Variants in DNAH5 observed in about 807,000 individuals in gnomAD.
DNAH5 encodes dynein axonemal heavy chain 5.
DNAH5 carries 372 observed loss-of-function variants against 518.2 expected under a neutral mutation model. The ratio of observed to expected loss-of-function variants is 0.72; its 90% CI spans 0.66 to 0.78. DNAH5 has a LOEUF of 0.78. Among genes scored for constraint, DNAH5 ranks in the 30% least tolerant of loss-of-function variants. DNAH5 has a pLI of 0.00. For synonymous variants in DNAH5, 2,039 were observed against 2,025.9 expected, an observed-to-expected ratio of 1.01 and a Z score of -0.17; for missense variants, 5,523 against 5,687.0, an observed-to-expected ratio of 0.97 and a Z score of 0.93.
intron 53 of DNAH5, among the ~76,000 whole-genome samples, 188 bp downstream of exon 53, chr5:13,780,641 C>A (rs1754959335): frequency 6.6e-6 from 1 of 152,040 alleles, no homozygotes; most frequent in African/African-American, 2.4e-5. Context: ...ATTTCAAAAG[C>A]AAATTATGAC....
At chr5:13,728,044 T>C (rs923838793) in intron 69 of DNAH5, among the ~76,000 whole-genome samples, 9 of 152,336 alleles carry the variant, frequency 5.9e-5, no homozygotes, top group African/African-American at 2.2e-4. Flanking sequence ...TTCACTTATG[T>C]TTCCTCATTT....
chr5:13,753,079 T>G (rs1413715099), intron 63 of DNAH5, among the ~76,000 whole-genome samples, 154 bp downstream of exon 63: 1 of 152,176 alleles, frequency 6.6e-6, no homozygotes, highest in African/African-American at 2.4e-5. Flanking sequence ...AGAAAATATT[T>G]TTATATTAGA....
At chr5:13,768,851 G>C in intron 58 of DNAH5, 109 bp downstream of exon 58, 1 of 1,245,974 alleles carries the variant, frequency 8.0e-7, no homozygotes, top group Non-Finnish European at 1.2e-6. Flanking sequence ...CAAGTGGATA[G>C]AGCTTTCATC....
chr5:13,761,059 T>C (rs1751703051), intron 60 of DNAH5, among the ~76,000 whole-genome samples: 2 of 152,048 alleles, frequency 1.3e-5, no homozygotes, highest in South Asian at 4.2e-4. Context: ...GTTGTAGGAG[T>C]AAATAAAAAG....
At chr5:13,849,504 T>C (rs963024874) in intron 31 of DNAH5, among the ~76,000 whole-genome samples, 4 of 152,214 alleles carry the variant, frequency 2.6e-5, no homozygotes, top group Non-Finnish European at 4.4e-5. Context: ...CAAAACGTAA[T>C]GTCTCCCCAG....
intron 49 of DNAH5, 67 bp downstream of exon 49, chr5:13,793,447 AT>A: frequency 7.2e-7 from 1 of 1,395,206 alleles, no homozygotes; most frequent in Non-Finnish European, 1.0e-6. Context: ...TTGGGTGAAG[AT>A]TTTCAAAAAG....
intron 65 of DNAH5, among the ~76,000 whole-genome samples, chr5:13,742,327 C>A (rs898508647): frequency 6.6e-6 from 1 of 151,910 alleles, no homozygotes. Flanking sequence ...ACCACATAAC[C>A]ACTGCCCTAC....
intron 78 of DNAH5, among the ~76,000 whole-genome samples, chr5:13,695,719 C>G (rs1741280773): frequency 6.6e-6 from 1 of 152,094 alleles, no homozygotes; most frequent in African/African-American, 2.4e-5. Context: ...TAAGTTAACA[C>G]ATGTATGTGC....
intron 1 of DNAH5, among the ~76,000 whole-genome samples, chr5:13,990,268 G>A (rs1358170047): frequency 2.0e-5 from 3 of 151,752 alleles, no homozygotes; most frequent in South Asian, 2.1e-4. Flanking sequence ...ATTGGGGCCC[G>A]GCGGCCAGGC....
At chr5:13,859,025 C>T (rs1370972215) in intron 30 of DNAH5, among the ~76,000 whole-genome samples, 1 of 152,136 alleles carries the variant, frequency 6.6e-6, no homozygotes, top group East Asian at 1.9e-4. Context: ...TTCCACCCCT[C>T]AATTTTACTG....
Position 13,751,140 on chromosome 5 carries a change from T to C in DNAH5, c.11149A>G (p.Thr3717Ala), listed in dbSNP as rs764616457. The change falls in exon 65 of 79, where the codon ACT (threonine) becomes GCT (alanine). Residue 3717 changes from threonine to alanine, a missense_variant. Around this residue, in one of 3 missense-constraint regions of DNAH5, gnomAD observed 5,121 missense variants for 5,223.3 expected, o/e 0.98. Transcript: ENST00000265104. ...TCTTCTAGACCTTTCATGGTGACAG[T>C]GAAGTCAATGATGGAGGTACGGGCA... Reference protein sequence around the residue: ...ISARTSIIDFTVTMKGLEDQL... With the variant: ...ISARTSIIDFAVTMKGLEDQL... 1.9e-6 allele frequency: 3 copies of C among 1,613,946 alleles called. No individual in the cohort carries two copies. Among genetic ancestry groups the C allele is most frequent in the East Asian group, 4.5e-5 (2 of 44,862 alleles).
intron 50 of DNAH5, among the ~76,000 whole-genome samples, chr5:13,790,562 G>T (rs1464993310): frequency 2.0e-5 from 3 of 152,188 alleles, no homozygotes; most frequent in Non-Finnish European, 1.5e-5. Context: ...AATCATAGGG[G>T]CTGTTTCCCC....
rs1778918268 is a variant in DNAH5, at chr5:13,936,303, C to A, written c.58-5059G>T. Among the ~76,000 whole-genome samples the A allele has an allele frequency of 1.3e-5, 2 of 152,192 alleles. 1 individual carries two copies. Among genetic ancestry groups the A allele is most frequent in the South Asian group, 4.1e-4 (2 of 4,836 alleles). On this transcript the variant is annotated intron_variant, in intron 1 of 78. Coordinates refer to ENST00000265104, the MANE Select transcript of DNAH5 (RefSeq NM_001369.3). ...TCAATATGTGGACTACTTCTCATGA[C>A]TTCAAACGTTTACACAATCTACAGA...
chr5:13,728,021 G>A (rs956557935), intron 69 of DNAH5, among the ~76,000 whole-genome samples: 28 of 152,060 alleles, frequency 1.8e-4, no homozygotes, highest in Non-Finnish European at 4.0e-4. Flanking sequence ...CTCATGTCAG[G>A]AACCAAATCT....
rs146403214 is a variant in DNAH5 at position 13,709,118 on chromosome 5, A to G, written c.13126-783T>C. Among the ~76,000 whole-genome samples, 5 of 152,334 alleles carry G rather than the reference A, an allele frequency of 3.3e-5. No homozygotes were observed. The East Asian group carries it at 9.7e-4, about 29-fold the overall frequency. On this transcript the variant is annotated intron_variant, in intron 75 of 78. Coordinates refer to ENST00000265104, the MANE Select transcript of DNAH5 (RefSeq NM_001369.3). ...CAAGTGATCAGAGGTTATTCCAGGG[A>G]CATTATCCCCTTGACTAAAGGTCCT...
chr5:13,872,614 T>C (rs1380588423), intron 22 of DNAH5, among the ~76,000 whole-genome samples: 1 of 152,196 alleles, frequency 6.6e-6, no homozygotes, highest in Non-Finnish European at 1.5e-5. Context: ...ACAGTCTAGT[T>C]TGCTAACCAA....
At chr5:13,746,050 TA>T (rs948144849) in intron 65 of DNAH5, among the ~76,000 whole-genome samples, 1 of 152,124 alleles carries the variant, frequency 6.6e-6, no homozygotes, top group African/African-American at 2.4e-5. Flanking sequence ...AACATAAAAA[TA>T]GTTTTCATAT....
intron 2 of DNAH5, among the ~76,000 whole-genome samples, chr5:13,928,909 G>A (rs1778143906): frequency 6.6e-6 from 1 of 152,190 alleles, no homozygotes; most frequent in Non-Finnish European, 1.5e-5. Context: ...TGTAAATGGT[G>A]GAGCCGTTGT....
Position 13,770,735 on chromosome 5 carries a change from A to C in DNAH5, c.9605+14T>G. Reference sequence around the variant, plus strand: ...CGGCTTTAATATAGCTTTGTATAAGAACATCACACTTACCTGTTGGCCAGG... The same window carrying C: ...CGGCTTTAATATAGCTTTGTATAAGCACATCACACTTACCTGTTGGCCAGG... On this transcript the variant is annotated intron_variant, in intron 56 of 78. Coordinates refer to ENST00000265104, the MANE Select transcript of DNAH5 (RefSeq NM_001369.3). 2 of 1,609,134 alleles carry C rather than the reference A, an allele frequency of 1.2e-6. No homozygotes were observed. Among genetic ancestry groups the C allele is most frequent in the Middle Eastern group, 1.7e-4 (1 of 6,046 alleles).
Sources: allele counts gnomAD v4.1 joint callset (sites outside exome capture counted in the v4.1 genomes callset), GRCh38; gene constraint gnomAD v4.1.1; regional missense constraint gnomAD v4.1.1; transcripts MANE v1.5; gene names NCBI Gene and HGNC (gene_info 2026-07-23, HGNC 2026-07-21).